The following CUX2 variants were observed in gnomAD, a reference collection of about 807,000 sequenced individuals.
CUX2 encodes the protein homeobox protein cut-like 2.
A neutral mutation model predicts 144.8 loss-of-function variants in CUX2; 40 were observed. The ratio of observed to expected loss-of-function variants is 0.28; its 90% CI spans 0.21 to 0.36. The LOEUF is 0.36. CUX2 is among the 10% of genes least tolerant of loss of function. CUX2 has a pLI of 1.00. For synonymous variants in CUX2, 827 were observed against 875.6 expected, an observed-to-expected ratio of 0.94 and a Z score of 0.98; for missense variants, 1,615 against 1,994.0, an observed-to-expected ratio of 0.81 and a Z score of 3.62.
chr12:111,123,690 C>A (rs1440910906), intron 1 of CUX2, among the ~76,000 whole-genome samples: 3 of 152,024 alleles, frequency 2.0e-5, no homozygotes, highest in African/African-American at 4.8e-5. Flanking sequence ...TACATACCCC[C>A]ACACCTAGCT....
chr12:111,247,459 G>C (rs913717175), intron 3 of CUX2, among the ~76,000 whole-genome samples: 3 of 152,252 alleles, frequency 2.0e-5, no homozygotes, highest in African/African-American at 7.2e-5. Context: ...CGGAGAACTT[G>C]TCAGGATCAC....
In CUX2 at chr12:111,077,458, C is replaced by A. The variant is rs940457036; in HGVS notation, c.63+43218C>A. Among the ~76,000 whole-genome samples the A allele has an allele frequency of 6.6e-6, 1 of 152,196 alleles. No individual in the cohort carries two copies. The highest frequency in any genetic ancestry group is 1.5e-5 in the Non-Finnish European group (1 of 68,038). ...GATGGCCTAAATCCATCAGGCTCAC[C>A]AGCCCCGGTCTTGGACCACTGAATA... On this transcript the variant is annotated intron_variant, in intron 1 of 21. Coordinates refer to ENST00000261726, the MANE Select transcript of CUX2 (RefSeq NM_015267.4). The surrounding 1 kb of genome is among the most constrained non-coding windows in gnomAD (Gnocchi z 4.1).
chr12:111,319,447 A>T lies in CUX2; in HGVS notation c.2003-565A>T, dbSNP rs182819053. 6.5e-3 allele frequency among the ~76,000 whole-genome samples: 993 copies of T among 152,204 alleles called. 6 individuals are homozygous for T. The highest frequency in any genetic ancestry group is 0.011 in the Non-Finnish European group (778 of 68,006). The stretch of plus-strand genomic sequence containing the variant: ...ATGGTTGGATCATTGCCTATGTAAA[A>T]GTCAGGTCAGGCCGGGCACTGTGGT... On this transcript the variant is annotated intron_variant, in intron 16 of 21. Transcript: ENST00000261726.
chr12:111,317,175 A>C (rs980923006), intron 16 of CUX2, among the ~76,000 whole-genome samples: 1 of 152,244 alleles, frequency 6.6e-6, no homozygotes. Context: ...TGAAAGCTAC[A>C]CAGAGATAAT....
intron 1 of CUX2, among the ~76,000 whole-genome samples, chr12:111,128,478 C>T (rs1875233608): frequency 6.6e-6 from 1 of 152,156 alleles, no homozygotes. Flanking sequence ...GCATTTGGGC[C>T]ACTTCATGTA....
At chr12:111,122,329 GT>G (rs1417077955) in intron 1 of CUX2, among the ~76,000 whole-genome samples, 1 of 152,112 alleles carries the variant, frequency 6.6e-6, no homozygotes, top group Non-Finnish European at 1.5e-5. Context: ...GGGCTAAGCT[GT>G]TTTAATTTCT....
chr12:111,116,017 G>C (rs1335583769), intron 1 of CUX2, among the ~76,000 whole-genome samples: 1 of 152,168 alleles, frequency 6.6e-6, no homozygotes, highest in Non-Finnish European at 1.5e-5. Flanking sequence ...TCTGTTTGCT[G>C]ATGGAGAACC....
At chr12:111,215,795 T>A (rs1385772136) in intron 2 of CUX2, among the ~76,000 whole-genome samples, 1 of 152,224 alleles carries the variant, frequency 6.6e-6, no homozygotes, top group African/African-American at 2.4e-5. Flanking sequence ...CTATCTCATC[T>A]TCCTTCTAGC....
intron 3 of CUX2, among the ~76,000 whole-genome samples, chr12:111,230,102 G>T (rs1223373885): frequency 6.6e-6 from 1 of 150,428 alleles, no homozygotes; most frequent in Non-Finnish European, 1.5e-5. Flanking sequence ...GCAACAGTGA[G>T]CCATTATCAT....
At chr12:111,217,988 C>G (rs772711257) in intron 3 of CUX2, 51 bp downstream of exon 3, 4 of 1,602,844 alleles carry the variant, frequency 2.5e-6, no homozygotes, top group Middle Eastern at 2.0e-4. Flanking sequence ...AATGGCTCCC[C>G]CTCCTATCCC....
chr12:111,317,511 C>T (rs1305173218), intron 16 of CUX2, among the ~76,000 whole-genome samples: 1 of 152,270 alleles, frequency 6.6e-6, no homozygotes, highest in East Asian at 1.9e-4. Context: ...TTGCCCAACC[C>T]AAGATTTAGA....
intron 4 of CUX2, among the ~76,000 whole-genome samples, chr12:111,282,693 A>G (rs1480302386): frequency 6.6e-6 from 1 of 150,812 alleles, no homozygotes; most frequent in Non-Finnish European, 1.5e-5. Context: ...TTACTTCCCC[A>G]CGGTGGGGTA....
chr12:111,337,352 CAAA>C (rs1197695502), intron 19 of CUX2, among the ~76,000 whole-genome samples: 16 of 111,434 alleles, frequency 1.4e-4, no homozygotes, highest in Non-Finnish European at 1.2e-4. Flanking sequence ...GACCCTGTCT[CAAA>C]AAAAAAAAAA....
chr12:111,347,746 C>T lies in CUX2; in HGVS notation c.3882C>T (p.Ala1294=), dbSNP rs1198989028. Residue 1294 remains alanine (A), a synonymous_variant, in exon 22 of 22, where the codon GCC becomes GCT. Transcript: ENST00000261726. Reference sequence around the variant, plus strand: ...CACCCCTGACCACCCAGGACAAGGCCCAAGTGAGGATCAAGCAGGAACAGA... The same window carrying T: ...CACCCCTGACCACCCAGGACAAGGCTCAAGTGAGGATCAAGCAGGAACAGA... ...NSTPLTTQDK[A]QVRIKQEQME... The T allele has an allele frequency of 6.2e-7, 1 of 1,613,722 alleles. No homozygotes were observed.
intron 4 of CUX2, among the ~76,000 whole-genome samples, chr12:111,266,310 C>T (rs552932265): frequency 6.6e-6 from 1 of 152,050 alleles, no homozygotes; most frequent in African/African-American, 2.4e-5. Context: ...AACCCCATGT[C>T]TACTAAAAAT....
chr12:111,329,022 C>A (rs1887970035), intron 18 of CUX2, among the ~76,000 whole-genome samples: 1 of 124,760 alleles, frequency 8.0e-6, no homozygotes, highest in Admixed American at 8.2e-5. Context: ...CCACCCCACT[C>A]TCTCTCTCCC....
At position 111,320,175 on chromosome 12, in the gene CUX2, G is replaced by C. The variant is rs770656777; in HGVS notation, c.2166G>C (p.Ser722=). The C allele has an allele frequency of 1.9e-5, 29 of 1,535,008 alleles. No homozygotes were observed. The highest frequency in any genetic ancestry group is 2.4e-5 in the Non-Finnish European group (28 of 1,145,622). ...TGGAGGTGGCGCCCAGGGGCCGCTC[G>C]GTGCCCCCCTCGCCCCCGGAGCGGC... is the stretch of plus-strand genomic sequence containing the variant. ...LEMEVAPRGR[S]VPPSPPERPS... is the part of the protein sequence containing the mutation. Residue 722 remains serine, a synonymous_variant, in exon 17 of 22, where the codon TCG becomes TCC. Coordinates refer to ENST00000261726, the MANE Select transcript of CUX2 (RefSeq NM_015267.4). The surrounding 1 kb of genome is among the most constrained non-coding windows in gnomAD (Gnocchi z 8.1).
rs1879804300 is a variant in CUX2, at chr12:111,190,379, G to C, written c.64-23821G>C. Among the ~76,000 whole-genome samples, 1 of 152,076 alleles carries C rather than the reference G, an allele frequency of 6.6e-6. No individual in the cohort carries two copies. The highest frequency in any genetic ancestry group is 2.4e-5 in the African/African-American group (1 of 41,384). ...ACCAGATTACAGTATGTTGCTGGTG[G>C]GATTATCTTTCAGCTAGTTATTCAC... is the stretch of plus-strand genomic sequence containing the variant. On this transcript the variant is annotated intron_variant, in intron 1 of 21. Transcript: ENST00000261726. This position sits in a 1 kb window ranked among gnomAD's most constrained non-coding sequence, Gnocchi z 4.0.
chr12:111,051,263 C>T (rs966511746), intron 1 of CUX2, among the ~76,000 whole-genome samples: 3 of 152,128 alleles, frequency 2.0e-5, no homozygotes, highest in African/African-American at 4.8e-5. Context: ...TTTATAGTGT[C>T]GTTCAAGTCT....
Sources: allele counts gnomAD v4.1 joint callset (sites outside exome capture counted in the v4.1 genomes callset), GRCh38; gene constraint gnomAD v4.1.1; non-coding constraint Gnocchi (gnomAD v3.1); transcripts MANE v1.5; gene names NCBI Gene and HGNC (gene_info 2026-07-23, HGNC 2026-07-21).